The following STIM1 variants were observed in gnomAD, a reference collection of about 807,000 sequenced individuals.
STIM1 encodes stromal interaction molecule 1.
Under a neutral mutation model 74.7 loss-of-function variants are expected in STIM1, and 25 were observed. The observed-to-expected ratio is 0.33, with a 90% CI of 0.24 to 0.47. The LOEUF is 0.47. Among genes scored for constraint, STIM1 ranks in the 20% least tolerant of loss-of-function variants. The probability of loss-of-function intolerance (pLI) is 1.00; values close to 1 mark genes in which losing one functional copy is unlikely to be tolerated. For missense variants in STIM1, 728 were observed against 920.8 expected (o/e 0.79, Z 2.71); for synonymous variants, 328 against 348.8 (o/e 0.94, Z 0.66).
intron 1 of STIM1, among the ~76,000 whole-genome samples, chr11:3,914,602 C>T (rs553928920): frequency 1.5e-4 from 23 of 152,190 alleles, no homozygotes; most frequent in African/African-American, 3.4e-4. Flanking sequence ...CCGCCACGCC[C>T]GGCTGATTTT....
intron 1 of STIM1, chr11:3,888,238 A>G (rs548695490): frequency 2.6e-5 from 4 of 152,168 alleles, no homozygotes; most frequent in East Asian, 1.9e-4. Flanking sequence ...ATGAAACTAG[A>G]TAAGTATTCA....
chr11:3,920,124 T>C (rs909190261), intron 1 of STIM1, among the ~76,000 whole-genome samples: 2 of 47,466 alleles, frequency 4.2e-5, no homozygotes, highest in Non-Finnish European at 1.2e-4. Flanking sequence ...TTTTGAAGTG[T>C]ACAATTTTTT....
intron 2 of STIM1, among the ~76,000 whole-genome samples, chr11:3,971,130 C>T (rs1286914277): frequency 6.6e-6 from 1 of 151,684 alleles, no homozygotes; most frequent in Non-Finnish European, 1.5e-5. Context: ...AATCCCAGCA[C>T]TTTGGGAGGC....
chr11:3,971,896 TAAA>T lies in STIM1; in HGVS notation c.270+4217_270+4219del, dbSNP rs1343266470. On this transcript the variant is annotated intron_variant, in intron 2 of 12. Transcript: ENST00000526596. Reference sequence around the variant, plus strand: ...GGCCCTGCTCTCCTAATATTAAACATAAAAACCACATGGGAAATATAGATATTC... The same window carrying T: ...GGCCCTGCTCTCCTAATATTAAACATAACCACATGGGAAATATAGATATTC... Among the ~76,000 whole-genome samples the T allele has an allele frequency of 5.3e-5, 8 of 152,086 alleles. No homozygotes were observed. In the East Asian group the frequency reaches 1.5e-3, roughly 29 times the overall value.
chr11:4,004,927 T>C (rs945910268), intron 2 of STIM1, among the ~76,000 whole-genome samples: 2 of 152,166 alleles, frequency 1.3e-5, no homozygotes, highest in Non-Finnish European at 2.9e-5. Flanking sequence ...GCAAAGGATA[T>C]GAACAGACAC....
intron 1 of STIM1, among the ~76,000 whole-genome samples, chr11:3,925,240 T>C (rs1379017196): frequency 6.6e-6 from 1 of 152,012 alleles, no homozygotes; most frequent in Non-Finnish European, 1.5e-5. Context: ...ACAAAAACTA[T>C]AAAAATTAGC....
chr11:3,988,856 A>G (rs74051582), intron 2 of STIM1, among the ~76,000 whole-genome samples: 1,685 of 152,360 alleles, frequency 0.011, 32 homozygotes, highest in African/African-American at 0.037. Flanking sequence ...ATTATAGGAT[A>G]TAAAAACTAA....
chr11:4,021,296 T>C (rs1028929210), intron 2 of STIM1, among the ~76,000 whole-genome samples: 2 of 152,186 alleles, frequency 1.3e-5, no homozygotes, highest in Non-Finnish European at 2.9e-5. Flanking sequence ...CAGCTAATTT[T>C]TGTATTTTTA....
intron 3 of STIM1, among the ~76,000 whole-genome samples, chr11:4,055,263 C>T (rs1312743590): frequency 6.6e-6 from 1 of 152,194 alleles, no homozygotes; most frequent in Non-Finnish European, 1.5e-5. Context: ...TATAATGTTG[C>T]ATTTGTGATT....
chr11:3,970,163 A>G (rs889184332), intron 2 of STIM1, among the ~76,000 whole-genome samples: 1 of 152,006 alleles, frequency 6.6e-6, no homozygotes, highest in African/African-American at 2.4e-5. Context: ...TGTTACCACA[A>G]CAAAAAGCTC....
At chr11:3,961,938 T>A (rs1488520959) in intron 1 of STIM1, among the ~76,000 whole-genome samples, 1 of 152,264 alleles carries the variant, frequency 6.6e-6, no homozygotes, top group Non-Finnish European at 1.5e-5. Flanking sequence ...GGAAATGCAC[T>A]TTTAACTCTA....
intron 5 of STIM1, among the ~76,000 whole-genome samples, chr11:4,060,711 C>T (rs866925650): frequency 2.5e-4 from 38 of 152,206 alleles, no homozygotes; most frequent in African/African-American, 8.2e-4. Flanking sequence ...CCAGCATAAT[C>T]GGCAGGGTCC....
chr11:3,865,817 C>T (rs917890779), intron 1 of STIM1, among the ~76,000 whole-genome samples: 3 of 152,254 alleles, frequency 2.0e-5, no homozygotes, highest in East Asian at 3.9e-4. Context: ...CTGGAAAGTG[C>T]CAAGGGGAGG....
chr11:3,896,911 C>T (rs572971517), intron 1 of STIM1, among the ~76,000 whole-genome samples: 2 of 152,214 alleles, frequency 1.3e-5, no homozygotes, highest in Non-Finnish European at 2.9e-5. Flanking sequence ...TAGAGCTGTG[C>T]GAAGATTAAG....
chr11:3,903,120 G>A (rs2092391481), intron 1 of STIM1, among the ~76,000 whole-genome samples: 1 of 152,118 alleles, frequency 6.6e-6, no homozygotes, highest in South Asian at 2.1e-4. Context: ...CCCTATGAAA[G>A]TAGGTACTAT....
At chr11:3,990,465 G>C (rs1229082530) in intron 2 of STIM1, among the ~76,000 whole-genome samples, 3 of 152,180 alleles carry the variant, frequency 2.0e-5, no homozygotes, top group Admixed American at 6.5e-5. Context: ...GAATAGAATT[G>C]CTGGGTCATA....
At chr11:3,887,677 G>A (rs1044091129) in intron 1 of STIM1, among the ~76,000 whole-genome samples, 1 of 152,036 alleles carries the variant, frequency 6.6e-6, no homozygotes, top group Non-Finnish European at 1.5e-5. Flanking sequence ...TGAAAGAATA[G>A]GGCATCTGTG....
intron 2 of STIM1, among the ~76,000 whole-genome samples, chr11:4,015,627 C>G (rs2093888635): frequency 6.6e-6 from 1 of 152,178 alleles, no homozygotes; most frequent in South Asian, 2.1e-4. Flanking sequence ...TGGATAATAT[C>G]CTGAAGAGTG....
At chr11:4,077,518 C>G (rs1232454259) in intron 7 of STIM1, among the ~76,000 whole-genome samples, 1 of 152,058 alleles carries the variant, frequency 6.6e-6, no homozygotes, top group Non-Finnish European at 1.5e-5. Flanking sequence ...AATTTAAAAA[C>G]ATGGTTAATA....
Sources: allele counts gnomAD v4.1 joint callset (sites outside exome capture counted in the v4.1 genomes callset), GRCh38; gene constraint gnomAD v4.1.1; transcripts MANE v1.5; gene names NCBI Gene and HGNC (gene_info 2026-07-23, HGNC 2026-07-21).